Variants in MBOAT1 observed in about 807,000 individuals in gnomAD.
MBOAT1 encodes the protein membrane bound glycerophospholipid O-acyltransferase 1.
Under a neutral mutation model 64.4 loss-of-function variants are expected in MBOAT1, and 67 were observed. The observed-to-expected ratio is 1.04, with a 90% CI of 0.85 to 1.27. The LOEUF is 1.27. Among genes scored for constraint, MBOAT1 ranks in the 50% most tolerant of loss-of-function variants. MBOAT1 has a pLI of 0.00. For missense variants in MBOAT1, 563 were observed against 604.6 expected (o/e 0.93, Z 0.72); for synonymous variants, 229 against 218.9 (o/e 1.05, Z -0.41).
chr6:20,109,871 G>A (rs570332378), intron 11 of MBOAT1, 122 bp from the exon 12 acceptor site: 16 of 481,368 alleles, frequency 3.3e-5, no homozygotes, highest in Middle Eastern at 6.6e-4. Flanking sequence ...CAACATCTGA[G>A]TTGTATTTTC....
chr6:20,195,396 T>C (rs1162083042), intron 1 of MBOAT1, among the ~76,000 whole-genome samples: 1 of 152,206 alleles, frequency 6.6e-6, no homozygotes, highest in Non-Finnish European at 1.5e-5. Context: ...GGTTTTTCAG[T>C]TGGAATTCTT....
At chr6:20,192,584 G>A (rs925120690) in intron 1 of MBOAT1, among the ~76,000 whole-genome samples, 6 of 152,178 alleles carry the variant, frequency 3.9e-5, no homozygotes, top group Admixed American at 3.9e-4. Context: ...ATTCAGTGCT[G>A]TAACAATGAA....
chr6:20,139,172 C>T (rs1457346435), intron 4 of MBOAT1, among the ~76,000 whole-genome samples: 1 of 152,184 alleles, frequency 6.6e-6, no homozygotes, highest in Non-Finnish European at 1.5e-5. Context: ...GTCGCCCAGG[C>T]TGGAATGCAG....
intron 3 of MBOAT1, among the ~76,000 whole-genome samples, chr6:20,148,055 G>A (rs2113686965): frequency 6.6e-6 from 1 of 152,316 alleles, no homozygotes; most frequent in South Asian, 2.1e-4. Flanking sequence ...GCCCAACACA[G>A]TGGCTTGGGA....
intron 1 of MBOAT1, among the ~76,000 whole-genome samples, chr6:20,172,216 C>T (rs1015383221): frequency 6.6e-6 from 1 of 151,958 alleles, no homozygotes; most frequent in Non-Finnish European, 1.5e-5. Context: ...AGGCGGATCA[C>T]GAGGTCAGCA....
intron 1 of MBOAT1, among the ~76,000 whole-genome samples, chr6:20,161,105 C>T (rs958553408): frequency 4.6e-5 from 7 of 152,096 alleles, no homozygotes; most frequent in South Asian, 2.1e-4. Context: ...CACTCCTCAT[C>T]GCTTGCATTA....
At chr6:20,173,679 G>A (rs1165180179) in intron 1 of MBOAT1, among the ~76,000 whole-genome samples, 3 of 152,164 alleles carry the variant, frequency 2.0e-5, no homozygotes, top group Non-Finnish European at 2.9e-5. Context: ...GGCCAGGCAT[G>A]GTGGCTCACT....
At chr6:20,212,080 C>T in intron 1 of MBOAT1, 56 bp downstream of exon 1, 2 of 1,530,318 alleles carry the variant, frequency 1.3e-6, no homozygotes, top group Non-Finnish European at 1.8e-6. Flanking sequence ...TTTCGCCCGC[C>T]CCGTGCACGC....
intron 11 of MBOAT1, among the ~76,000 whole-genome samples, chr6:20,111,877 T>G (rs1327101419): frequency 7.3e-6 from 1 of 136,902 alleles, no homozygotes; most frequent in Non-Finnish European, 1.5e-5. Flanking sequence ...TACATATATA[T>G]ATGTATATAT....
intron 9 of MBOAT1, among the ~76,000 whole-genome samples, chr6:20,116,574 G>T (rs1760326208): frequency 6.6e-6 from 1 of 150,886 alleles, no homozygotes; most frequent in Non-Finnish European, 1.5e-5. Flanking sequence ...TCTTTTTATT[G>T]TGAGTTTTTA....
chr6:20,100,010 T>C lies in MBOAT1; in HGVS notation c.*2276A>G, dbSNP rs1389845713. On this transcript the variant is annotated 3_prime_UTR_variant, in exon 13 of 13. Transcript: ENST00000324607. ...CATCCATAAGCTCAACTCCTAGAGG[T>C]TTGACTTCTCCTCATCCCATAAGGA... Among the ~76,000 whole-genome samples, 7 of 152,130 alleles carry C rather than the reference T, an allele frequency of 4.6e-5. No homozygotes were observed. The highest frequency in any genetic ancestry group is 1.0e-4 in the Non-Finnish European group (7 of 68,014).
At chr6:20,149,312 C>G (rs1365356788) in intron 3 of MBOAT1, among the ~76,000 whole-genome samples, 1 of 152,012 alleles carries the variant, frequency 6.6e-6, no homozygotes, top group Non-Finnish European at 1.5e-5. Context: ...TGATATGAAA[C>G]AAGTGTGCGT....
intron 11 of MBOAT1, among the ~76,000 whole-genome samples, chr6:20,110,749 T>C (rs1409043124): frequency 1.3e-5 from 2 of 152,186 alleles, no homozygotes; most frequent in Non-Finnish European, 2.9e-5. Flanking sequence ...CATTTAGTAA[T>C]ATATCATGCA....
intron 1 of MBOAT1, among the ~76,000 whole-genome samples, chr6:20,179,389 T>A (rs904204908): frequency 6.6e-6 from 1 of 152,170 alleles, no homozygotes; most frequent in African/African-American, 2.4e-5. Context: ...CTCCCACTTA[T>A]AAGTGAAAAC....
rs898548101 is a variant in MBOAT1, at chr6:20,101,555, G to T, written c.*731C>A. Among the ~76,000 whole-genome samples, 1 of 152,152 alleles carries T rather than the reference G, an allele frequency of 6.6e-6. No homozygotes were observed. The highest frequency in any genetic ancestry group is 1.5e-5 in the Non-Finnish European group (1 of 68,028). On this transcript the variant is annotated 3_prime_UTR_variant, in exon 13 of 13. Coordinates refer to ENST00000324607, the MANE Select transcript of MBOAT1 (RefSeq NM_001080480.3). ...CTGGGGCTTCCCAGGGAACCACTATGACTGAGTATATTCTGATTTGAGAAA... is the reference window on the plus strand; with the variant it reads ...CTGGGGCTTCCCAGGGAACCACTATTACTGAGTATATTCTGATTTGAGAAA...
Position 20,101,841 on chromosome 6 carries a change from C to T in MBOAT1, c.*445G>A, listed in dbSNP as rs150420484. Among the ~76,000 whole-genome samples the T allele has an allele frequency of 0.065, 9,962 of 152,116 alleles. 433 individuals carry two copies. Among genetic ancestry groups the T allele is most frequent in the Middle Eastern group, 0.11 (31 of 292 alleles). On this transcript the variant is annotated 3_prime_UTR_variant, in exon 13 of 13. Transcript: ENST00000324607. ...CTTTATAAAAATACTCCCGGCCGGG[C>T]GCGGTGGCTCACGCCTGTAATCCCA...
At chr6:20,162,866 T>C (rs1229426198) in intron 1 of MBOAT1, among the ~76,000 whole-genome samples, 1 of 152,234 alleles carries the variant, frequency 6.6e-6, no homozygotes, top group Non-Finnish European at 1.5e-5. Flanking sequence ...GTAGTTTGTA[T>C]AGTCATGAAC....
intron 1 of MBOAT1, among the ~76,000 whole-genome samples, chr6:20,160,228 G>A (rs188095495): frequency 1.3e-5 from 2 of 152,254 alleles, no homozygotes; most frequent in South Asian, 2.1e-4. Context: ...ACATTATTTG[G>A]GGATTTCTGT....
rs201366808 is a variant in MBOAT1, at chr6:20,100,832, TATC to T, written c.*1451_*1453del. Among the ~76,000 whole-genome samples the T allele has an allele frequency of 0.013, 2,016 of 150,654 alleles. 40 individuals are homozygous for T. Among genetic ancestry groups the T allele is most frequent in the African/African-American group, 0.042 (1,713 of 40,340 alleles). ...ACCATTGCAGCATATACTTTATTAT[TATC>T]ATCATTATTATTTTCCACAACATTT... On this transcript the variant is annotated 3_prime_UTR_variant, in exon 13 of 13. Transcript: ENST00000324607.
Sources: gnomAD v4.1 joint callset for allele counts (sites outside exome capture counted in the v4.1 genomes callset) on GRCh38, gnomAD v4.1.1 for gene constraint, MANE v1.5 for transcripts, NCBI Gene and HGNC (gene_info 2026-07-23, HGNC 2026-07-21) for gene names.